The following APP variants were observed in gnomAD, a reference collection of about 807,000 sequenced individuals.
The protein encoded by APP is amyloid beta precursor protein, also known as amyloid-beta precursor protein.
APP carries 31 observed loss-of-function variants against 101.4 expected under a neutral mutation model. The ratio of observed to expected loss-of-function variants is 0.31; its 90% CI spans 0.23 to 0.41. The LOEUF is 0.41. APP is among the 10% of genes least tolerant of loss of function. The probability of loss-of-function intolerance (pLI) is 1.00; values close to 1 mark genes in which losing one functional copy is unlikely to be tolerated. For missense variants in APP, 839 were observed against 1,003.7 expected, an observed-to-expected ratio of 0.84 and a Z score of 2.22; for synonymous variants, 366 against 364.4, an observed-to-expected ratio of 1.00 and a Z score of -0.05.
At chr21:26,010,213 C>CAAAAAAA (rs74265002) in intron 6 of APP, among the ~76,000 whole-genome samples, 3 of 80,176 alleles carry the variant, frequency 3.7e-5, no homozygotes, top group Admixed American at 1.3e-4. Context: ...TCCTTTTGAA[C>CAAAAAAA]AAAAAAAAAA....
intron 15 of APP, among the ~76,000 whole-genome samples, chr21:25,900,175 T>G (rs909749556): frequency 1.3e-5 from 2 of 152,016 alleles, no homozygotes; most frequent in Admixed American, 6.6e-5. Context: ...CTATAGCCCT[T>G]TTAAATCTGA....
At chr21:26,110,987 G>A (rs1159953077) in intron 2 of APP, among the ~76,000 whole-genome samples, 1 of 150,080 alleles carries the variant, frequency 6.7e-6, no homozygotes, top group Non-Finnish European at 1.5e-5. Flanking sequence ...TAAGAAAGGA[G>A]CACCCTGTAT....
chr21:25,925,458 A>G (rs1465409390), intron 13 of APP, among the ~76,000 whole-genome samples: 1 of 152,148 alleles, frequency 6.6e-6, no homozygotes, highest in Non-Finnish European at 1.5e-5. Context: ...TTTGTTAGAC[A>G]TGCAGAACCT....
chr21:25,937,589 T>G (rs1221935345), intron 13 of APP, among the ~76,000 whole-genome samples: 1 of 152,190 alleles, frequency 6.6e-6, no homozygotes, highest in African/African-American at 2.4e-5. Flanking sequence ...AAATGGATAA[T>G]TCTTTAAGCA....
At chr21:25,968,858 T>C (rs2041895878) in intron 11 of APP, among the ~76,000 whole-genome samples, 1 of 152,214 alleles carries the variant, frequency 6.6e-6, no homozygotes, top group Non-Finnish European at 1.5e-5. Flanking sequence ...ACAGAATCTA[T>C]GGAAACGACA....
intron 1 of APP, chr21:26,140,158 T>C (rs2063011839): frequency 6.5e-7 from 1 of 1,534,550 alleles, no homozygotes; most frequent in African/African-American, 1.4e-5. Flanking sequence ...CTTACATAGT[T>C]GATAAACAGA....
intron 5 of APP, among the ~76,000 whole-genome samples, chr21:26,036,032 T>C (rs1568890057): frequency 6.6e-6 from 1 of 152,142 alleles, no homozygotes; most frequent in Non-Finnish European, 1.5e-5. Context: ...TTAGGATTCA[T>C]ATGCCTATGA....
intron 2 of APP, among the ~76,000 whole-genome samples, chr21:26,101,852 T>G (rs2062064248): frequency 6.6e-6 from 1 of 152,152 alleles, no homozygotes; most frequent in Non-Finnish European, 1.5e-5. Context: ...TTTCTAAATT[T>G]TCTTCACAAT....
intron 1 of APP, among the ~76,000 whole-genome samples, chr21:26,156,080 T>C (rs1214673656): frequency 6.6e-6 from 1 of 150,682 alleles, no homozygotes; most frequent in Non-Finnish European, 1.5e-5. Context: ...GCCTTAACAA[T>C]AATCCTAAGT....
chr21:26,004,275 CTTTTTTTTTTTTT>C lies in APP; in HGVS notation c.866-4106_866-4094del, dbSNP rs71183538. 4.1e-5 allele frequency among the ~76,000 whole-genome samples: 3 copies of C among 72,794 alleles called. No homozygotes were observed. The Admixed American group carries it at 6.1e-4, about 15-fold the overall frequency. The allele number at this position is 72,794 out of a possible 152,430, so 47.8% of individuals were successfully genotyped here. ...TATGCAGGGTCTCTTTGTATTAATTCTTTTTTTTTTTTTTTTTTTTTTTTTGAGACAGAGTCTC... is the reference window on the plus strand; with the variant it reads ...TATGCAGGGTCTCTTTGTATTAATTCTTTTTTTTTTTTGAGACAGAGTCTC... On this transcript the variant is annotated intron_variant, in intron 6 of 17. Coordinates refer to ENST00000346798, the MANE Select transcript of APP (RefSeq NM_000484.4).
intron 6 of APP, among the ~76,000 whole-genome samples, chr21:26,007,081 C>T (rs889407673): frequency 6.6e-6 from 1 of 151,966 alleles, no homozygotes; most frequent in African/African-American, 2.4e-5. Flanking sequence ...TAAAAGGCAA[C>T]ATTTTATAGC....
chr21:25,963,217 G>A (rs558868474), intron 11 of APP, among the ~76,000 whole-genome samples: 1 of 152,174 alleles, frequency 6.6e-6, no homozygotes, highest in Non-Finnish European at 1.5e-5. Context: ...CTTGGGAAAA[G>A]TCTCATACAT....
rs114814396 is a variant in APP, at chr21:26,040,679, T to C, written c.662+10321A>G. On this transcript the variant is annotated intron_variant, in intron 5 of 17. Coordinates refer to ENST00000346798, the MANE Select transcript of APP (RefSeq NM_000484.4). Reference sequence around the variant, plus strand: ...CGGGAGACTGAGGCAGGAGTACCACTTGAACTTGGGAGGGGAGGTTGCAGT... The same window carrying C: ...CGGGAGACTGAGGCAGGAGTACCACCTGAACTTGGGAGGGGAGGTTGCAGT... 6.0e-3 allele frequency among the ~76,000 whole-genome samples: 899 copies of C among 150,986 alleles called. 9 individuals carry two copies. Among genetic ancestry groups the C allele is most frequent in the African/African-American group, 0.02 (837 of 41,064 alleles).
rs1167887266 is a variant in APP at position 26,053,368 on chromosome 21, C to G, written c.356-20G>C. ...CACCAACTGAAAGAAAGGAAAACCA[C>G]TTCCCGTCATTCCATCTGTATCACA... On this transcript the variant is annotated intron_variant, in intron 3 of 17. Transcript: ENST00000346798. 1 of 1,490,462 alleles carries G rather than the reference C, an allele frequency of 6.7e-7. No individual in the cohort carries two copies. Among genetic ancestry groups the G allele is most frequent in the Middle Eastern group, 1.7e-4 (1 of 5,832 alleles). 92.3% of individuals were successfully genotyped at this position (1,490,462 alleles called of 1,614,324 possible). A position where few individuals can be genotyped will look rare whatever the true frequency, so the allele number is the denominator to read the frequency against.
At chr21:25,933,148 G>C (rs931324646) in intron 13 of APP, among the ~76,000 whole-genome samples, 2 of 152,076 alleles carry the variant, frequency 1.3e-5, no homozygotes, top group Non-Finnish European at 2.9e-5. Context: ...ACTCAGGCTG[G>C]AGTGCAGTGA....
At chr21:26,112,660 G>C (rs539869694) in intron 1 of APP, among the ~76,000 whole-genome samples, 1 of 152,290 alleles carries the variant, frequency 6.6e-6, no homozygotes, top group East Asian at 1.9e-4. Flanking sequence ...TTATGATTTT[G>C]AACAGAAAAA....
chr21:26,054,614 C>T (rs1181319023), intron 3 of APP, among the ~76,000 whole-genome samples: 2 of 138,468 alleles, frequency 1.4e-5, no homozygotes, highest in African/African-American at 2.7e-5. Context: ...GCAACATAGG[C>T]CAAAAGTTTT....
At chr21:25,946,741 A>C (rs968374703) in intron 13 of APP, among the ~76,000 whole-genome samples, 1 of 150,116 alleles carries the variant, frequency 6.7e-6, no homozygotes, top group African/African-American at 2.5e-5. Context: ...AAAATTGGGC[A>C]AAGAATCTGA....
intron 15 of APP, among the ~76,000 whole-genome samples, chr21:25,901,125 C>CT (rs1601337192): frequency 6.6e-6 from 1 of 151,982 alleles, no homozygotes; most frequent in African/African-American, 2.4e-5. Context: ...TGGCAAAACT[C>CT]TGTCTCTACT....
Sources: allele counts gnomAD v4.1 joint callset (sites outside exome capture counted in the v4.1 genomes callset), GRCh38; gene constraint gnomAD v4.1.1; transcripts MANE v1.5; gene names NCBI Gene and HGNC (gene_info 2026-07-23, HGNC 2026-07-21).